Variants in MYT1L observed in about 807,000 individuals in gnomAD.
The protein encoded by MYT1L is myelin transcription factor 1-like protein.
MYT1L carries 12 observed loss-of-function variants against 126.7 expected under a neutral mutation model. The ratio of observed to expected loss-of-function variants is 0.09; its 90% CI spans 0.06 to 0.15. MYT1L has a LOEUF of 0.15. MYT1L is among the 10% of genes least tolerant of loss of function. The pLI is 1.00. For synonymous variants in MYT1L, 541 were observed against 604.2 expected, an observed-to-expected ratio of 0.90 and a Z score of 1.53; for missense variants, 979 against 1,585.2, an observed-to-expected ratio of 0.62 and a Z score of 6.49.
chr2:1,905,760 T>C (rs779947031), intron 13 of MYT1L, among the ~76,000 whole-genome samples: 4 of 152,350 alleles, frequency 2.6e-5, no homozygotes, highest in South Asian at 2.1e-4. Flanking sequence ...TTAGCAGATA[T>C]ATGAAATTAT....
At chr2:1,987,124 T>C (rs988225559) in intron 5 of MYT1L, among the ~76,000 whole-genome samples, 1 of 152,230 alleles carries the variant, frequency 6.6e-6, no homozygotes, top group African/African-American at 2.4e-5. Flanking sequence ...CATTACTTTA[T>C]CTTGCCAGCA....
intron 23 of MYT1L, among the ~76,000 whole-genome samples, chr2:1,798,464 A>G (rs56068979): frequency 0.043 from 6,514 of 152,268 alleles, 162 homozygotes; most frequent in East Asian, 0.072. Flanking sequence ...AGAGAACATC[A>G]GGCCGTGGGC....
intron 1 of MYT1L, among the ~76,000 whole-genome samples, chr2:2,311,181 T>C (rs1460436783): frequency 1.3e-5 from 2 of 152,226 alleles, no homozygotes; most frequent in Non-Finnish European, 2.9e-5. Context: ...AAAGGTTTGA[T>C]AACCAAGACC....
intron 4 of MYT1L, among the ~76,000 whole-genome samples, chr2:2,003,702 G>GA (rs1482668747): frequency 1.3e-5 from 2 of 152,194 alleles, no homozygotes; most frequent in East Asian, 1.9e-4. Context: ...CTGGTGTGGG[G>GA]CCCATGGGTG....
intron 3 of MYT1L, among the ~76,000 whole-genome samples, chr2:2,091,869 T>C (rs1026405554): frequency 2.6e-5 from 4 of 152,202 alleles, no homozygotes; most frequent in Non-Finnish European, 5.9e-5. Flanking sequence ...CTTCAAACTT[T>C]TCTTCTGCAG....
At chr2:2,244,563 G>C (rs1161517139) in intron 2 of MYT1L, among the ~76,000 whole-genome samples, 1 of 152,166 alleles carries the variant, frequency 6.6e-6, no homozygotes, top group African/African-American at 2.4e-5. Context: ...CGGTGATGAG[G>C]CTTGAAGCCC....
chr2:2,005,537 T>A (rs943606506), intron 4 of MYT1L, among the ~76,000 whole-genome samples: 1 of 150,922 alleles, frequency 6.6e-6, no homozygotes, highest in South Asian at 2.1e-4. Context: ...CAGGCATTCT[T>A]TCCTGAATAT....
intron 3 of MYT1L, among the ~76,000 whole-genome samples, chr2:2,107,795 A>G (rs2078930600): frequency 6.6e-6 from 1 of 152,162 alleles, no homozygotes; most frequent in Non-Finnish European, 1.5e-5. Context: ...GAGAGAGGAC[A>G]GGAAGTTTCA....
In MYT1L at chr2:1,934,175, C is replaced by T. The variant is rs558050724; in HGVS notation, c.505+8807G>A. Among the ~76,000 whole-genome samples the T allele has an allele frequency of 7.9e-5, 12 of 151,292 alleles. 1 individual carries two copies. The highest frequency in any genetic ancestry group is 3.4e-3 in the Middle Eastern group (1 of 290). On this transcript the variant is annotated intron_variant, in intron 9 of 24. Transcript: ENST00000647738. ...ATTTTTAGTAGAGACGGGGTTTCAT[C>T]GTGTTAGCCAGGATGGTCTCGATCT...
intron 8 of MYT1L, among the ~76,000 whole-genome samples, chr2:1,959,567 ACCT>A (rs1346212123): frequency 6.6e-6 from 1 of 151,800 alleles, no homozygotes. Context: ...AATCCCACAC[ACCT>A]CCTCCCAGTC....
chr2:1,865,499 AAAAT>A lies in MYT1L; in HGVS notation c.2712-13800_2712-13797del, dbSNP rs549280312. 1.1e-3 allele frequency among the ~76,000 whole-genome samples: 172 copies of A among 152,332 alleles called. 1 individual carries two copies. The highest frequency in any genetic ancestry group is 4.0e-3 in the African/African-American group (167 of 41,582). ...TAGTTTCTGCATCTGTAAAATAGGA[AAAAT>A]AATGCCCATCCGCATCGTTAGGATC... On this transcript the variant is annotated intron_variant, in intron 18 of 24. Coordinates refer to ENST00000647738, the MANE Select transcript of MYT1L (RefSeq NM_001303052.2).
intron 14 of MYT1L, among the ~76,000 whole-genome samples, chr2:1,901,336 A>G (rs1475986164): frequency 2.0e-5 from 3 of 152,260 alleles, no homozygotes; most frequent in African/African-American, 4.8e-5. Flanking sequence ...TAGAACGTCA[A>G]TGAATTGGAA....
chr2:1,826,718 G>C (rs568331070), intron 21 of MYT1L, among the ~76,000 whole-genome samples: 13 of 152,294 alleles, frequency 8.5e-5, no homozygotes, highest in African/African-American at 3.1e-4. Context: ...TCCCCTTGGA[G>C]GGTGTCTGGG....
intron 2 of MYT1L, among the ~76,000 whole-genome samples, chr2:2,257,033 G>C (rs2094831779): frequency 6.6e-6 from 1 of 152,168 alleles, no homozygotes; most frequent in Non-Finnish European, 1.5e-5. Context: ...CACCTGGAGA[G>C]CTTAGTGAAC....
At position 1,887,432 on chromosome 2, in the gene MYT1L, A is replaced by T; in HGVS notation, c.2642+56T>A. 2 of 1,611,486 alleles carry T rather than the reference A, an allele frequency of 1.2e-6. No homozygotes were observed. Among genetic ancestry groups the T allele is most frequent in the South Asian group, 2.2e-5 (2 of 90,930 alleles). ...TATACAGATCCAGTTTTAAAAAATC[A>T]GCCAAAGAATGGGAAGATTAAGAAG... On this transcript the variant is annotated intron_variant, in intron 17 of 24. Transcript: ENST00000647738. The surrounding 1 kb of genome is among the most constrained non-coding windows in gnomAD (Gnocchi z 4.8).
At chr2:1,886,735 A>T (rs1015238439) in intron 17 of MYT1L, 128 bp from the exon 18 acceptor site, 1 of 448,196 alleles carries the variant, frequency 2.2e-6, no homozygotes, top group Non-Finnish European at 3.8e-6. Context: ...TGTATATTGA[A>T]TTTTTTTTTG....
chr2:2,155,521 G>A (rs115864097), intron 3 of MYT1L, among the ~76,000 whole-genome samples: 3,513 of 152,214 alleles, frequency 0.023, 72 homozygotes, highest in Non-Finnish European at 0.035. Flanking sequence ...ACAATCCTTC[G>A]TTTATTCATG....
In MYT1L at chr2:1,979,001, AC is replaced by A. The variant is rs573589877; in HGVS notation, c.152+163del. Reference sequence around the variant, plus strand: ...AGATCGAACGGCTTATGTTTTGAGAACCCTTTCAAGAGACAAAGACTGAGTT... The same window carrying A: ...AGATCGAACGGCTTATGTTTTGAGAACCTTTCAAGAGACAAAGACTGAGTT... On this transcript the variant is annotated intron_variant, in intron 8 of 24. Coordinates refer to ENST00000647738, the MANE Select transcript of MYT1L (RefSeq NM_001303052.2). This position sits in a 1 kb window ranked among gnomAD's most constrained non-coding sequence, Gnocchi z 4.0. Among the ~76,000 whole-genome samples the A allele has an allele frequency of 2.0e-5, 3 of 152,040 alleles. No individual in the cohort carries two copies. The highest frequency in any genetic ancestry group is 4.4e-5 in the Non-Finnish European group (3 of 68,006).
chr2:2,114,174 A>G (rs1340009954), intron 3 of MYT1L, among the ~76,000 whole-genome samples: 1 of 152,256 alleles, frequency 6.6e-6, no homozygotes, highest in Non-Finnish European at 1.5e-5. Flanking sequence ...GTGGATTGTA[A>G]GTAGGCAAAT....
Sources: gnomAD v4.1 joint callset for allele counts (sites outside exome capture counted in the v4.1 genomes callset) on GRCh38, gnomAD v4.1.1 for gene constraint, Gnocchi (gnomAD v3.1) non-coding constraint, MANE v1.5 for transcripts, NCBI Gene and HGNC (gene_info 2026-07-23, HGNC 2026-07-21) for gene names.